Variants in CHN1 observed in about 807,000 individuals in gnomAD.
CHN1 encodes chimerin 1, also known as N-chimaerin.
A neutral mutation model predicts 59.5 loss-of-function variants in CHN1; 37 were observed. That is an observed-to-expected ratio of 0.62 (90% CI 0.48 to 0.82). The LOEUF (loss-of-function observed/expected upper bound fraction) is 0.82. Ranked by LOEUF, CHN1 falls within the 40% of genes least tolerant of loss-of-function variation. The pLI is 0.00. For missense variants in CHN1, 469 were observed against 571.0 expected, an observed-to-expected ratio of 0.82 and a Z score of 1.82; for synonymous variants, 206 against 200.4, an observed-to-expected ratio of 1.03 and a Z score of -0.24.
chr2:174,831,013 A>C (rs1231407540), intron 7 of CHN1, among the ~76,000 whole-genome samples: 3 of 152,228 alleles, frequency 2.0e-5, no homozygotes, highest in Non-Finnish European at 4.4e-5. Flanking sequence ...TAAATGATGT[A>C]ACTTTAACTG....
chr2:174,828,033 A>G (rs531064481), intron 7 of CHN1, among the ~76,000 whole-genome samples: 1 of 152,258 alleles, frequency 6.6e-6, no homozygotes, highest in East Asian at 1.9e-4. Flanking sequence ...ATACAAGGAA[A>G]ATCACTTTCC....
At chr2:174,960,800 C>T (rs1176047618) in intron 1 of CHN1, among the ~76,000 whole-genome samples, 11 of 151,456 alleles carry the variant, frequency 7.3e-5, no homozygotes, top group South Asian at 2.1e-4. Context: ...CTGACCTGGG[C>T]GACAGAGCGT....
intron 2 of CHN1, among the ~76,000 whole-genome samples, chr2:174,949,081 T>C (rs993927838): frequency 4.6e-5 from 7 of 152,168 alleles, no homozygotes; most frequent in Non-Finnish European, 8.8e-5. Flanking sequence ...GGTCGGTCAG[T>C]CTTTAAAATT....
chr2:174,812,460 C>T lies in CHN1; in HGVS notation c.735G>A (p.Lys245=), dbSNP rs139467204. Reference sequence around the variant, plus strand: ...CATTTGGGACCATCTTGGAACACTGCTTATGAACATTCAAACCACAATCTA... The same window carrying T: ...CATTTGGGACCATCTTGGAACACTGTTTATGAACATTCAAACCACAATCTA... The part of the protein sequence containing the change: ...KCADCGLNVH[K]QCSKMVPNDC... Residue 245 remains lysine, a synonymous_variant, in exon 9 of 13, where the codon AAG becomes AAA. Coordinates refer to ENST00000409900, the MANE Select transcript of CHN1 (RefSeq NM_001822.7). The T allele has an allele frequency of 2.5e-6, 4 of 1,613,886 alleles. No individual in the cohort carries two copies. In the African/African-American group the frequency reaches 4.0e-5, roughly 16 times the overall value.
intron 3 of CHN1, among the ~76,000 whole-genome samples, chr2:174,924,945 T>C (rs11693973): frequency 0.32 from 47,927 of 152,144 alleles, 8,779 homozygotes; most frequent in Admixed American, 0.45. Context: ...ATTACATGCT[T>C]TGCTTTCTCC....
chr2:174,862,278 T>C (rs1574100505), intron 6 of CHN1, among the ~76,000 whole-genome samples: 1 of 152,288 alleles, frequency 6.6e-6, no homozygotes, highest in East Asian at 1.9e-4. Flanking sequence ...GGTTTCATTT[T>C]TCAGGGTTTT....
chr2:174,826,410 C>G (rs1168883248), intron 7 of CHN1, among the ~76,000 whole-genome samples: 1 of 152,124 alleles, frequency 6.6e-6, no homozygotes, highest in Non-Finnish European at 1.5e-5. Flanking sequence ...GAAACAGCAA[C>G]AGAATTGTGA....
At chr2:174,865,782 T>C (rs555818104) in intron 6 of CHN1, among the ~76,000 whole-genome samples, 1 of 152,344 alleles carries the variant, frequency 6.6e-6, no homozygotes, top group African/African-American at 2.4e-5. Context: ...GTGTTCAGCC[T>C]ATTCTACCTC....
At chr2:174,965,074 A>G (rs938722986) in intron 1 of CHN1, among the ~76,000 whole-genome samples, 1 of 152,110 alleles carries the variant, frequency 6.6e-6, no homozygotes, top group African/African-American at 2.4e-5. Context: ...TATAATTTAT[A>G]ACATTATAGT....
In CHN1 at chr2:174,992,288, T is replaced by G. The variant is rs895947640; in HGVS notation, c.19+12606A>C. ...AGGAAATCCAGATAGAGCTGTGGAGTGTATGGAAGGGCAGGCTGGAGATAG... is the reference window on the plus strand; with the variant it reads ...AGGAAATCCAGATAGAGCTGTGGAGGGTATGGAAGGGCAGGCTGGAGATAG... On this transcript the variant is annotated intron_variant, in intron 1 of 12. Transcript: ENST00000409900. 2.6e-5 allele frequency among the ~76,000 whole-genome samples: 4 copies of G among 151,606 alleles called. No individual in the cohort carries two copies. The East Asian group carries it at 7.8e-4, about 29-fold the overall frequency.
chr2:175,004,879 G>C lies in CHN1; in HGVS notation c.19+15C>G, dbSNP rs781488249. 2 of 1,401,264 alleles carry C rather than the reference G, an allele frequency of 1.4e-6. No individual in the cohort carries two copies. The allele number at this position is 1,401,264 out of a possible 1,614,324, so 86.8% of individuals were successfully genotyped here. On this transcript the variant is annotated intron_variant, in intron 1 of 12. Transcript: ENST00000409900. The stretch of plus-strand genomic sequence containing the variant: ...CGGCCCACCTGCGGCGGCGCGGGGA[G>C]ACGGCTGCACTTACCAAACAGGGTC...
chr2:174,850,488 C>G (rs906387067), intron 6 of CHN1, among the ~76,000 whole-genome samples: 1 of 152,050 alleles, frequency 6.6e-6, no homozygotes, highest in Non-Finnish European at 1.5e-5. Flanking sequence ...AATAATAATA[C>G]CTGTCTCACA....
At chr2:174,994,497 A>G (rs1220720965) in intron 1 of CHN1, among the ~76,000 whole-genome samples, 1 of 150,964 alleles carries the variant, frequency 6.6e-6, no homozygotes, top group Non-Finnish European at 1.5e-5. Flanking sequence ...ATATACAAAG[A>G]AAAAAACCTA....
At chr2:174,803,106 T>G (rs180710303) in intron 11 of CHN1, among the ~76,000 whole-genome samples, 1 of 152,224 alleles carries the variant, frequency 6.6e-6, no homozygotes, top group East Asian at 1.9e-4. Context: ...TGAGTCCTAA[T>G]CAGGGTGGTG....
intron 7 of CHN1, among the ~76,000 whole-genome samples, chr2:174,826,674 T>A (rs1459963734): frequency 1.3e-5 from 2 of 152,226 alleles, no homozygotes; most frequent in African/African-American, 4.8e-5. Context: ...CACTGGCTAC[T>A]GAGCTGTTTT....
intron 8 of CHN1, among the ~76,000 whole-genome samples, chr2:174,821,382 T>TC (rs1189077676): frequency 6.6e-6 from 1 of 152,182 alleles, no homozygotes; most frequent in Non-Finnish European, 1.5e-5. Context: ...TCTTTCTCTA[T>TC]CAACCTCTCG....
chr2:174,800,116 T>C lies in CHN1; in HGVS notation c.1380A>G (p.Ter460=). 2 of 1,561,822 alleles carry C rather than the reference T, an allele frequency of 1.3e-6. No homozygotes were observed. Among genetic ancestry groups the C allele is most frequent in the Non-Finnish European group, 1.7e-6 (2 of 1,156,022 alleles). ...LLIKNEDILF[*] The stretch of plus-strand genomic sequence containing the variant: ...TTTCTTTTCCCCTCAAATTAAAAAT[T>C]TAAAATAAAATGTCTTCGTTTTTGA... The change falls in exon 13 of 13, where the codon TAA becomes TAG. Residue 460 remains the stop codon, a stop_retained_variant. Coordinates refer to ENST00000409900, the MANE Select transcript of CHN1 (RefSeq NM_001822.7).
intron 5 of CHN1, 67 bp from the exon 6 acceptor site, chr2:174,878,195 A>C (rs1344879968): frequency 7.2e-7 from 1 of 1,380,730 alleles, no homozygotes; most frequent in African/African-American, 1.5e-5. Context: ...CTGAAAAAAA[A>C]ACAAAAACAA....
intron 4 of CHN1, among the ~76,000 whole-genome samples, chr2:174,915,645 C>T (rs1244069883): frequency 6.6e-6 from 1 of 152,132 alleles, no homozygotes; most frequent in Admixed American, 6.5e-5. Flanking sequence ...GGCATGATTG[C>T]CCAATAATGT....
Sources: allele counts gnomAD v4.1 joint callset (sites outside exome capture counted in the v4.1 genomes callset), GRCh38; gene constraint gnomAD v4.1.1; transcripts MANE v1.5; gene names NCBI Gene and HGNC (gene_info 2026-07-23, HGNC 2026-07-21).